Variants in MYO10 observed in about 807,000 individuals in gnomAD.
The protein encoded by MYO10 is myosin X.
MYO10 carries 133 observed loss-of-function variants against 257.3 expected under a neutral mutation model. The observed-to-expected ratio is 0.52, with a 90% CI of 0.45 to 0.60. MYO10 has a LOEUF of 0.60. Among genes scored for constraint, MYO10 ranks in the 20% least tolerant of loss-of-function variants. The probability of loss-of-function intolerance (pLI) is 0.00; values close to 1 mark genes in which losing one functional copy is unlikely to be tolerated. For missense variants in MYO10, 2,399 were observed against 2,635.7 expected, an observed-to-expected ratio of 0.91 and a Z score of 1.97; for synonymous variants, 1,104 against 1,028.6, an observed-to-expected ratio of 1.07 and a Z score of -1.40.
Position 16,694,413 on chromosome 5 carries a change from C to T in MYO10, c.3758G>A (p.Ser1253Asn), listed in dbSNP as rs2126530838. ...TACGGTGCCCTTGAGCTTCTCCTCG[C>T]TGTCGTTTTCAAAGTACATCAGCTT... ...QSKLMYFENDSEEKLKGTVEV... is the reference protein window; with the variant it reads ...QSKLMYFENDNEEKLKGTVEV... Residue 1253 changes from serine (S) to asparagine (N), a missense_variant, in exon 27 of 41, where the codon AGC becomes AAC. Ser to Asn is a conservative substitution (Grantham distance 46). This residue lies in a region of MYO10 where 1,820 missense variants were observed against 1,939.4 expected (regional missense o/e 0.94). Coordinates refer to ENST00000513610, the MANE Select transcript of MYO10 (RefSeq NM_012334.3). The T allele has an allele frequency of 1.2e-6, 2 of 1,614,038 alleles. No individual in the cohort carries two copies. Among genetic ancestry groups the T allele is most frequent in the East Asian group, 2.2e-5 (1 of 44,882 alleles).
At position 16,694,277 on chromosome 5, in the gene MYO10, C is replaced by T. The variant is rs1465942220; in HGVS notation, c.3800+94G>A. ...CTATCAGGACACCTGCTACAGGCTA[C>T]TGCCGCTGCAAGGAACTTGCACAGC... On this transcript the variant is annotated intron_variant, in intron 27 of 40. Transcript: ENST00000513610. The T allele has an allele frequency of 1.9e-6, 3 of 1,563,668 alleles. No homozygotes were observed. In the East Asian group the frequency reaches 6.8e-5, roughly 35 times the overall value.
At chr5:16,754,761 G>T in intron 19 of MYO10, 67 bp downstream of exon 19, 1 of 1,202,772 alleles carries the variant, frequency 8.3e-7, no homozygotes, top group Non-Finnish European at 1.2e-6. Context: ...CCAAATCTGT[G>T]AGTAACCACC....
At chr5:16,729,476 G>T (rs1223724588) in intron 19 of MYO10, among the ~76,000 whole-genome samples, 1 of 149,022 alleles carries the variant, frequency 6.7e-6, no homozygotes, top group African/African-American at 2.5e-5. Flanking sequence ...TTTTGAGACG[G>T]AGTCTCACTG....
intron 19 of MYO10, among the ~76,000 whole-genome samples, chr5:16,728,451 C>T (rs911053661): frequency 6.6e-6 from 1 of 151,762 alleles, no homozygotes; most frequent in Non-Finnish European, 1.5e-5. Context: ...GAAAGCAGAA[C>T]TGCCTTTTGC....
chr5:16,831,875 T>TA (rs1743172548), intron 2 of MYO10, among the ~76,000 whole-genome samples: 1 of 152,074 alleles, frequency 6.6e-6, no homozygotes, highest in Non-Finnish European at 1.5e-5. Context: ...CCTATGGAAA[T>TA]AAAAAAATTT....
At position 16,671,397 on chromosome 5, in the gene MYO10, ATCTGTT is replaced by A. The variant is rs750925432; in HGVS notation, c.5430+19_5430+24del. The A allele has an allele frequency of 1.1e-4, 173 of 1,612,650 alleles. No homozygotes were observed. The highest frequency in any genetic ancestry group is 1.3e-4 in the African/African-American group (10 of 74,918). ...TTCACCCTTGCTTGCCGGCAAAGAA[ATCTGTT>A]TCTAACTATTCCTTTTACCTGTTCA... On this transcript the variant is annotated intron_variant, in intron 38 of 40. Coordinates refer to ENST00000513610, the MANE Select transcript of MYO10 (RefSeq NM_012334.3).
At chr5:16,874,192 G>A (rs1475094474) in intron 2 of MYO10, among the ~76,000 whole-genome samples, 1 of 151,874 alleles carries the variant, frequency 6.6e-6, no homozygotes, top group South Asian at 2.1e-4. Flanking sequence ...AAATTAGCTG[G>A]GCATGGTGGC....
chr5:16,760,314 A>C (rs2126648319), intron 17 of MYO10, among the ~76,000 whole-genome samples: 1 of 144,326 alleles, frequency 6.9e-6, no homozygotes, highest in South Asian at 2.2e-4. Context: ...AAAAAAAAAT[A>C]GCCAGGCGTG....
At chr5:16,730,130 T>C (rs964828042) in intron 19 of MYO10, among the ~76,000 whole-genome samples, 2 of 152,140 alleles carry the variant, frequency 1.3e-5, no homozygotes, top group Non-Finnish European at 2.9e-5. Flanking sequence ...CAATGTTTTG[T>C]GAGGAGGTGA....
intron 2 of MYO10, among the ~76,000 whole-genome samples, chr5:16,828,808 C>G (rs253321): frequency 3.3e-4 from 50 of 151,960 alleles, no homozygotes; most frequent in Admixed American, 2.0e-3. Context: ...CTGGAACTCC[C>G]GGGCTCAAGC....
At chr5:16,913,320 G>A (rs889319289) in intron 1 of MYO10, among the ~76,000 whole-genome samples, 2 of 152,154 alleles carry the variant, frequency 1.3e-5, no homozygotes, top group Non-Finnish European at 2.9e-5. Flanking sequence ...TAGCAATAAA[G>A]CACAGAGATG....
chr5:16,901,280 C>T lies in MYO10; in HGVS notation c.22-23573G>A, dbSNP rs914822835. 4.6e-5 allele frequency among the ~76,000 whole-genome samples: 7 copies of T among 152,220 alleles called. No individual in the cohort carries two copies. The East Asian group carries it at 5.8e-4, about 13-fold the overall frequency. ...CAGAGGCCCTCGCTGGCCTGCTGGGCGCCCCTCCTCCGTCAGTCAGCTTGC... is the reference window on the plus strand; with the variant it reads ...CAGAGGCCCTCGCTGGCCTGCTGGGTGCCCCTCCTCCGTCAGTCAGCTTGC... On this transcript the variant is annotated intron_variant, in intron 1 of 40. Transcript: ENST00000513610.
chr5:16,689,601 G>A lies in MYO10; in HGVS notation c.3896+223C>T, dbSNP rs115030930. On this transcript the variant is annotated intron_variant, in intron 28 of 40. Transcript: ENST00000513610. ...GACAATGGATCTGTCTAGTGGCACT[G>A]GAGGCTGGAAATCCTGAACTCTGTG... Among the ~76,000 whole-genome samples the A allele has an allele frequency of 7.3e-3, 1,110 of 151,812 alleles. 4 individuals are homozygous for A. The highest frequency in any genetic ancestry group is 0.01 in the Non-Finnish European group (680 of 67,992).
chr5:16,772,378 C>A (rs543630014), intron 9 of MYO10, among the ~76,000 whole-genome samples: 1 of 152,160 alleles, frequency 6.6e-6, no homozygotes, highest in Non-Finnish European at 1.5e-5. Context: ...GGTGATCCAC[C>A]CGCCTTGGCC....
At chr5:16,914,188 G>C (rs1158378563) in intron 1 of MYO10, among the ~76,000 whole-genome samples, 1 of 152,172 alleles carries the variant, frequency 6.6e-6, no homozygotes, top group Non-Finnish European at 1.5e-5. Context: ...ACGGGAAGCT[G>C]GGTAGAGACC....
intron 3 of MYO10, among the ~76,000 whole-genome samples, chr5:16,802,376 G>A (rs1742145318): frequency 6.6e-6 from 1 of 151,858 alleles, no homozygotes; most frequent in Non-Finnish European, 1.5e-5. Context: ...AAAAAAATAG[G>A]AGCCGGGTGC....
Position 16,670,959 on chromosome 5 carries a change from T to C in MYO10, c.5450A>G (p.His1817Arg). 1.2e-6 allele frequency: 2 copies of C among 1,610,406 alleles called. No homozygotes were observed. Among genetic ancestry groups the C allele is most frequent in the Non-Finnish European group, 1.7e-6 (2 of 1,177,006 alleles). ...MFEQAHEAVI[H>R]GHHPAPEENL... ...TTCTTCCGGGGCTGGATGGTGGCCA[T>C]GGATAACCGCTTCGTGGGCCTGAAA... Residue 1817 changes from histidine to arginine, a missense_variant, in exon 39 of 41, where the codon CAT becomes CGT. This residue lies in a region of MYO10 where 1,820 missense variants were observed against 1,939.4 expected (regional missense o/e 0.94). Transcript: ENST00000513610.
chr5:16,845,352 C>A (rs1334195425), intron 2 of MYO10, among the ~76,000 whole-genome samples: 2 of 152,070 alleles, frequency 1.3e-5, no homozygotes, highest in Admixed American at 6.6e-5. Flanking sequence ...TATGTCCTTC[C>A]CATTTTCGGC....
chr5:16,818,234 C>A, intron 2 of MYO10, 67 bp from the exon 3 acceptor site: 2 of 1,288,040 alleles, frequency 1.6e-6, no homozygotes, highest in Admixed American at 5.0e-5. Flanking sequence ...ACAAGTTTCC[C>A]AAACTGACAA....
Sources: allele counts gnomAD v4.1 joint callset (sites outside exome capture counted in the v4.1 genomes callset), GRCh38; gene constraint gnomAD v4.1.1; regional missense constraint gnomAD v4.1.1; transcripts MANE v1.5; gene names NCBI Gene and HGNC (gene_info 2026-07-23, HGNC 2026-07-21).